PDE1A: variants seen among roughly 807,000 people sequenced by gnomAD.
The protein encoded by PDE1A is dual specificity calcium/calmodulin-dependent 3',5'-cyclic nucleotide phosphodiesterase 1A.
In PDE1A, 35 loss-of-function variants were observed where a neutral mutation model predicts 61.7. The observed-to-expected ratio is 0.57, with a 90% CI of 0.43 to 0.75. PDE1A has a LOEUF of 0.75. PDE1A is among the 30% of genes least tolerant of loss of function. The probability of loss-of-function intolerance (pLI) is 0.00; values close to 1 mark genes in which losing one functional copy is unlikely to be tolerated. For synonymous variants in PDE1A, 232 were observed against 213.2 expected, an observed-to-expected ratio of 1.09 and a Z score of -0.77; for missense variants, 597 against 630.6, an observed-to-expected ratio of 0.95 and a Z score of 0.57.
the PDE1A span, among the ~76,000 whole-genome samples, chr2:182,606,387 C>T: frequency 6.6e-6 from 1 of 152,144 alleles, no homozygotes; most frequent in African/African-American, 2.4e-5. Context: ...ACCATGTTGG[C>T]CAGGCTGTTC....
At chr2:182,477,193 T>C (rs1033474042) in intron 2 of PDE1A, among the ~76,000 whole-genome samples, 1 of 151,914 alleles carries the variant, frequency 6.6e-6, no homozygotes, top group Admixed American at 6.6e-5. Flanking sequence ...GTAAGTGTAC[T>C]GCGGGGTAAT....
At chr2:182,628,049 T>C in the PDE1A span, among the ~76,000 whole-genome samples, 1 of 86,242 alleles carries the variant, frequency 1.2e-5, no homozygotes, top group African/African-American at 4.6e-5. Flanking sequence ...AAAAAGTGTA[T>C]GTGTGCACAC....
chr2:182,667,799 C>T, the PDE1A span, among the ~76,000 whole-genome samples: 1 of 152,206 alleles, frequency 6.6e-6, no homozygotes, highest in Non-Finnish European at 1.5e-5. Context: ...TCCAAAACTG[C>T]AACCCAAAAT....
At chr2:182,251,702 T>G (rs531733951) in intron 2 of PDE1A, among the ~76,000 whole-genome samples, 2 of 152,248 alleles carry the variant, frequency 1.3e-5, no homozygotes, top group Non-Finnish European at 2.9e-5. Context: ...CTATGACATG[T>G]GCTGAATGGC....
chr2:182,486,154 T>C (rs1322820029), intron 2 of PDE1A, among the ~76,000 whole-genome samples: 1 of 152,058 alleles, frequency 6.6e-6, no homozygotes, highest in African/African-American at 2.4e-5. Flanking sequence ...AATGTATTTC[T>C]ATATAATAGC....
chr2:182,442,833 T>C (rs1388884411), intron 2 of PDE1A, among the ~76,000 whole-genome samples: 3 of 152,264 alleles, frequency 2.0e-5, no homozygotes, highest in East Asian at 3.9e-4. Flanking sequence ...TGAAATGTTG[T>C]ATCTTACAAT....
At chr2:182,221,896 C>T (rs979851833) in intron 7 of PDE1A, among the ~76,000 whole-genome samples, 8 of 151,956 alleles carry the variant, frequency 5.3e-5, no homozygotes, top group Admixed American at 3.9e-4. Context: ...TTTTAGATGA[C>T]GGATATCAGA....
chr2:182,575,704 T>C, the PDE1A span, among the ~76,000 whole-genome samples: 1 of 140,302 alleles, frequency 7.1e-6, no homozygotes, highest in Admixed American at 7.0e-5. Flanking sequence ...ATTATTCCAT[T>C]ATGTATCTAT....
chr2:182,152,049 TA>T (rs1417930016), intron 13 of PDE1A, among the ~76,000 whole-genome samples: 1 of 152,160 alleles, frequency 6.6e-6, no homozygotes, highest in East Asian at 1.9e-4. Flanking sequence ...GTTTGAAAAA[TA>T]CCACAAAATT....
the PDE1A span, among the ~76,000 whole-genome samples, chr2:182,659,090 T>C: frequency 2.6e-5 from 4 of 152,200 alleles, no homozygotes; most frequent in South Asian, 4.1e-4. Flanking sequence ...AGTTACCTGA[T>C]ATCGACCCAC....
chr2:182,402,386 C>T (rs1702056816), intron 1 of PDE1A, among the ~76,000 whole-genome samples: 1 of 152,202 alleles, frequency 6.6e-6, no homozygotes, highest in Non-Finnish European at 1.5e-5. Context: ...CTACAACCAT[C>T]TGATCTTTGA....
intron 1 of PDE1A, among the ~76,000 whole-genome samples, chr2:182,339,757 T>C (rs1698064143): frequency 6.6e-6 from 1 of 152,172 alleles, no homozygotes; most frequent in Admixed American, 6.5e-5. Context: ...TCATAATCTC[T>C]TGTAGAGCAT....
At chr2:182,292,152 A>C (rs1694578942) in intron 1 of PDE1A, among the ~76,000 whole-genome samples, 1 of 152,018 alleles carries the variant, frequency 6.6e-6, no homozygotes, top group Non-Finnish European at 1.5e-5. Context: ...TTGTGTGTAT[A>C]AGGGGCTTCA....
the PDE1A span, among the ~76,000 whole-genome samples, chr2:182,562,706 G>A: frequency 2.0e-5 from 3 of 152,082 alleles, no homozygotes; most frequent in Non-Finnish European, 2.9e-5. Flanking sequence ...TGGTTGGTAA[G>A]CTATTGATTA....
intron 1 of PDE1A, among the ~76,000 whole-genome samples, chr2:182,336,844 C>T (rs550355851): frequency 6.6e-6 from 1 of 150,780 alleles, no homozygotes; most frequent in African/African-American, 2.4e-5. Flanking sequence ...ACAACAGGGC[C>T]TGTTGGGGGT....
chr2:182,446,941 T>C (rs975712372), intron 2 of PDE1A, among the ~76,000 whole-genome samples: 2 of 101,268 alleles, frequency 2.0e-5, no homozygotes, highest in Non-Finnish European at 4.9e-5. Flanking sequence ...AGTGAGATAA[T>C]ATATATATAT....
chr2:182,182,677 A>C (rs906584183), intron 13 of PDE1A, among the ~76,000 whole-genome samples: 2 of 152,014 alleles, frequency 1.3e-5, no homozygotes, highest in Non-Finnish European at 2.9e-5. Context: ...CATTGCCTAC[A>C]TTATTCCCAC....
At chr2:182,623,895 A>G in the PDE1A span, among the ~76,000 whole-genome samples, 14 of 152,128 alleles carry the variant, frequency 9.2e-5, 1 homozygote, top group East Asian at 2.3e-3. Context: ...GGAGGCCGAG[A>G]CGGGCGGATC....
At chr2:182,558,465 G>A in the PDE1A span, among the ~76,000 whole-genome samples, 1 of 152,032 alleles carries the variant, frequency 6.6e-6, no homozygotes, top group East Asian at 1.9e-4. Context: ...CAAAATTAAA[G>A]CTTTTACAAT....
Sources: gnomAD v4.1 joint callset for allele counts (sites outside exome capture counted in the v4.1 genomes callset) on GRCh38, gnomAD v4.1.1 for gene constraint, MANE v1.5 for transcripts, NCBI Gene and HGNC (gene_info 2026-07-23, HGNC 2026-07-21) for gene names.